EAF2: variants seen among roughly 807,000 people sequenced by gnomAD.
The protein encoded by EAF2 is ELL-associated factor 2.
Under a neutral mutation model 29.4 loss-of-function variants are expected in EAF2, and 29 were observed. The observed-to-expected ratio is 0.99, with a 90% CI of 0.73 to 1.35. The LOEUF is 1.35. Among genes scored for constraint, EAF2 ranks in the 40% most tolerant of loss-of-function variants. EAF2 has a pLI of 0.00. For synonymous variants in EAF2, 103 were observed against 102.5 expected, an observed-to-expected ratio of 1.00 and a Z score of -0.03; for missense variants, 292 against 312.0, an observed-to-expected ratio of 0.94 and a Z score of 0.48.
intron 4 of EAF2, among the ~76,000 whole-genome samples, chr3:121,864,138 ATC>A (rs751170657): frequency 6.6e-6 from 1 of 152,114 alleles, no homozygotes; most frequent in Non-Finnish European, 1.5e-5. Flanking sequence ...GAAAACTTAA[ATC>A]TCCATTTTTT....
intron 5 of EAF2, among the ~76,000 whole-genome samples, chr3:121,885,408 C>T (rs546637890): frequency 3.3e-5 from 5 of 152,256 alleles, no homozygotes; most frequent in South Asian, 2.1e-4. Context: ...ACCATTATGG[C>T]GTATTTACTG....
chr3:121,835,458 C>T, intron 1 of EAF2, 67 bp downstream of exon 1: 1 of 1,444,800 alleles, frequency 6.9e-7, no homozygotes, highest in South Asian at 1.2e-5. Context: ...GCACAAACCC[C>T]TCTGGGTTTT....
At chr3:121,860,435 C>T (rs6797558) in intron 4 of EAF2, among the ~76,000 whole-genome samples, 5,333 of 151,992 alleles carry the variant, frequency 0.035, 320 homozygotes, top group African/African-American at 0.12. Flanking sequence ...CATTTCTTCT[C>T]GATTTTCTAG....
chr3:121,839,405 G>GTAGT (rs1210668118), intron 1 of EAF2, among the ~76,000 whole-genome samples: 1 of 152,154 alleles, frequency 6.6e-6, no homozygotes, highest in African/African-American at 2.4e-5. Context: ...TCATTTAGCT[G>GTAGT]TAGTTAAATG....
intron 5 of EAF2, 57 bp downstream of exon 5, chr3:121,872,845 T>A (rs866415822): frequency 1.3e-5 from 21 of 1,566,974 alleles, no homozygotes; most frequent in Middle Eastern, 3.4e-4. Context: ...TGGAGCCATA[T>A]TGATTGTGAC....
chr3:121,854,002 A>G (rs558874625), intron 2 of EAF2, among the ~76,000 whole-genome samples: 1 of 152,246 alleles, frequency 6.6e-6, no homozygotes, highest in African/African-American at 2.4e-5. Context: ...TTAAAAATTA[A>G]ACTTATAAAG....
intron 2 of EAF2, among the ~76,000 whole-genome samples, chr3:121,849,267 A>G (rs2107508858): frequency 6.6e-6 from 1 of 152,230 alleles, no homozygotes; most frequent in Non-Finnish European, 1.5e-5. Flanking sequence ...TGGTTCTTTG[A>G]TAGGGTAGAT....
intron 5 of EAF2, among the ~76,000 whole-genome samples, chr3:121,881,129 C>T (rs12637968): frequency 0.21 from 31,375 of 152,002 alleles, 4,051 homozygotes; most frequent in Admixed American, 0.35. Flanking sequence ...TGGTTTGCTA[C>T]TATTTGTTGA....
intron 1 of EAF2, among the ~76,000 whole-genome samples, chr3:121,839,808 A>G (rs997163972): frequency 2.0e-5 from 3 of 152,242 alleles, no homozygotes; most frequent in African/African-American, 7.2e-5. Context: ...CCATTACATT[A>G]AAAGCACTGT....
intron 5 of EAF2, among the ~76,000 whole-genome samples, chr3:121,877,652 A>AAC (rs1709123224): frequency 1.3e-5 from 2 of 150,772 alleles, no homozygotes; most frequent in African/African-American, 4.9e-5. Context: ...ATAATTGAAC[A>AAC]TTAAAAAATT....
intron 5 of EAF2, 144 bp downstream of exon 5, chr3:121,872,932 G>A (rs979268254): frequency 1.6e-6 from 2 of 1,271,518 alleles, no homozygotes; most frequent in Non-Finnish European, 1.1e-6. Flanking sequence ...ATTGAATTAT[G>A]GTTTTCTTTT....
chr3:121,867,302 A>G (rs1426596890), intron 4 of EAF2, among the ~76,000 whole-genome samples: 1 of 152,212 alleles, frequency 6.6e-6, no homozygotes, highest in African/African-American at 2.4e-5. Context: ...AACCCGAACA[A>G]GCCCCAAATA....
In EAF2 at chr3:121,842,794, C is replaced by T. The variant is rs527893477; in HGVS notation, c.107-1659C>T. ...ATTGACATTATTTAAAACTTATTTCCCTCAGTCCAAACCCTTTTTCAAGCA... is the reference window on the plus strand; with the variant it reads ...ATTGACATTATTTAAAACTTATTTCTCTCAGTCCAAACCCTTTTTCAAGCA... On this transcript the variant is annotated intron_variant, in intron 1 of 5. Coordinates refer to ENST00000273668, the MANE Select transcript of EAF2 (RefSeq NM_018456.6). Among the ~76,000 whole-genome samples, 7 of 152,148 alleles carry T rather than the reference C, an allele frequency of 4.6e-5. No individual in the cohort carries two copies. The East Asian group carries it at 1.4e-3, about 29-fold the overall frequency.
intron 2 of EAF2, 63 bp downstream of exon 2, chr3:121,844,610 A>T: frequency 1.8e-6 from 2 of 1,099,098 alleles, no homozygotes; most frequent in Non-Finnish European, 2.7e-6. Flanking sequence ...TTTAAATGAA[A>T]ATAATTGCAC....
At chr3:121,837,673 G>T (rs1440770962) in intron 1 of EAF2, 1 of 152,178 alleles carries the variant, frequency 6.6e-6, no homozygotes, top group East Asian at 1.9e-4. Flanking sequence ...CATTAATGTT[G>T]AAGAGTTATA....
At chr3:121,868,760 C>G (rs892849666) in intron 4 of EAF2, among the ~76,000 whole-genome samples, 1 of 152,142 alleles carries the variant, frequency 6.6e-6, no homozygotes, top group African/African-American at 2.4e-5. Context: ...ATCTGCAAAT[C>G]CACAATTATG....
At chr3:121,867,751 G>A (rs1176610692) in intron 4 of EAF2, among the ~76,000 whole-genome samples, 2 of 152,142 alleles carry the variant, frequency 1.3e-5, no homozygotes, top group African/African-American at 4.8e-5. Context: ...AATTGATTAT[G>A]ATTTTCCTCA....
intron 4 of EAF2, among the ~76,000 whole-genome samples, chr3:121,865,590 C>T (rs1279044855): frequency 6.6e-6 from 1 of 151,880 alleles, no homozygotes; most frequent in Non-Finnish European, 1.5e-5. Flanking sequence ...ACCTGTAATC[C>T]CAGCACTTTG....
At chr3:121,870,241 A>T (rs912138980) in intron 4 of EAF2, among the ~76,000 whole-genome samples, 12 of 152,300 alleles carry the variant, frequency 7.9e-5, no homozygotes, top group Middle Eastern at 3.4e-3. Context: ...AAAACTATGA[A>T]CCAATATCTC....
Sources: allele counts gnomAD v4.1 joint callset (sites outside exome capture counted in the v4.1 genomes callset), GRCh38; gene constraint gnomAD v4.1.1; transcripts MANE v1.5; gene names NCBI Gene and HGNC (gene_info 2026-07-23, HGNC 2026-07-21).